The following MTHFD1L variants were observed in gnomAD, a reference collection of about 807,000 sequenced individuals.
MTHFD1L encodes the protein monofunctional C1-tetrahydrofolate synthase, mitochondrial.
Under a neutral mutation model 119.5 loss-of-function variants are expected in MTHFD1L, and 81 were observed. That is an observed-to-expected ratio of 0.68 (90% confidence interval 0.57 to 0.82). MTHFD1L has a LOEUF of 0.82. MTHFD1L is among the 40% of genes least tolerant of loss of function. MTHFD1L has a pLI of 0.00. For missense variants in MTHFD1L, 1,125 were observed against 1,253.4 expected, an observed-to-expected ratio of 0.90 and a Z score of 1.55; for synonymous variants, 430 against 475.2, an observed-to-expected ratio of 0.90 and a Z score of 1.24.
At chr6:151,070,433 T>C (rs113300007) in intron 26 of MTHFD1L, among the ~76,000 whole-genome samples, 6,725 of 152,320 alleles carry the variant, frequency 0.044, 208 homozygotes, top group Middle Eastern at 0.11. Context: ...CTTTACTGTT[T>C]AGTTTTTGTT....
Position 150,936,910 on chromosome 6 carries a change from C to A in MTHFD1L, c.1363C>A (p.Pro455Thr). The change falls in exon 12 of 28, where the codon CCT becomes ACT. Residue 455 changes from proline (P) to threonine (T), a missense_variant. By Grantham distance (38) the Pro-to-Thr change is conservative. Around this residue, in one of 3 missense-constraint regions of MTHFD1L, gnomAD observed 1,058 missense variants for 1,151.2 expected, o/e 0.92. Transcript: ENST00000367321. ...CAACTCCTTTGCCTGCTTGAGGCAG[C>A]CTTCCCAAGGACCGACGTTTGGAGT... Reference protein sequence around the residue: ...NVNSFACLRQPSQGPTFGVKG... With the variant: ...NVNSFACLRQTSQGPTFGVKG... 4 of 1,614,160 alleles carry A rather than the reference C, an allele frequency of 2.5e-6. No individual in the cohort carries two copies. The highest frequency in any genetic ancestry group is 3.4e-6 in the Non-Finnish European group (4 of 1,180,010).
chr6:150,915,833 A>G (rs1787764113), intron 8 of MTHFD1L, among the ~76,000 whole-genome samples: 1 of 152,050 alleles, frequency 6.6e-6, no homozygotes, highest in Non-Finnish European at 1.5e-5. Context: ...TGAACTCCTG[A>G]CCTCAAGTGA....
intron 26 of MTHFD1L, among the ~76,000 whole-genome samples, chr6:151,058,344 C>T (rs76660121): frequency 0.032 from 4,882 of 152,230 alleles, 155 homozygotes; most frequent in Admixed American, 0.099. Context: ...CACTGATGCT[C>T]GGGCTCTGTC....
chr6:150,942,839 G>C (rs1439266085), intron 13 of MTHFD1L, among the ~76,000 whole-genome samples: 1 of 151,948 alleles, frequency 6.6e-6, no homozygotes, highest in Non-Finnish European at 1.5e-5. Flanking sequence ...AAGAAATTAA[G>C]GAAATGCAGC....
chr6:150,867,923 G>A (rs1200657604), intron 1 of MTHFD1L, among the ~76,000 whole-genome samples: 3 of 148,958 alleles, frequency 2.0e-5, no homozygotes, highest in East Asian at 2.0e-4. Context: ...TCAGCCTCCC[G>A]AGTAGCTGGG....
rs956657497 is a variant in MTHFD1L, at chr6:150,964,032, G to T, written c.1945-937G>T. ...AATACAAAAAAAATTAGCCGTGTGT[G>T]GTGGTGCATGCCTGTAGTCCCAGCT... On this transcript the variant is annotated intron_variant, in intron 18 of 27. Transcript: ENST00000367321. Among the ~76,000 whole-genome samples, 3 of 152,302 alleles carry T rather than the reference G, an allele frequency of 2.0e-5. No homozygotes were observed. In the East Asian group the frequency reaches 5.8e-4, roughly 29 times the overall value.
chr6:151,024,826 GTGTT>G (rs1008440314), intron 24 of MTHFD1L, among the ~76,000 whole-genome samples: 3 of 151,994 alleles, frequency 2.0e-5, no homozygotes, highest in Non-Finnish European at 4.4e-5. Flanking sequence ...TTTTTTGTGT[GTGTT>G]TGTTTTGGGT....
chr6:150,962,060 G>A (rs1451715463), intron 18 of MTHFD1L, among the ~76,000 whole-genome samples: 1 of 152,032 alleles, frequency 6.6e-6, no homozygotes, highest in Non-Finnish European at 1.5e-5. Flanking sequence ...CGTGATCTTG[G>A]CTCACTGCAA....
rs148192003 is a variant in MTHFD1L, at chr6:150,926,331, A to G, written c.1256+36A>G. ...ATCTAACATCTACTTGATCAAGCAG[A>G]CATATTTACAAAACTCTTCCCTATT... On this transcript the variant is annotated intron_variant, in intron 11 of 27. Transcript: ENST00000367321. The surrounding 1 kb of genome is among the most constrained non-coding windows in gnomAD (Gnocchi z 4.3). 1.6e-5 allele frequency: 25 copies of G among 1,572,118 alleles called. No individual in the cohort carries two copies. Among genetic ancestry groups the G allele is most frequent in the Non-Finnish European group, 2.1e-5 (24 of 1,149,270 alleles).
chr6:151,039,461 C>T lies in MTHFD1L; in HGVS notation c.2847+2344C>T, dbSNP rs368447726. On this transcript the variant is annotated intron_variant, in intron 26 of 27. Coordinates refer to ENST00000367321, the MANE Select transcript of MTHFD1L (RefSeq NM_015440.5). The surrounding 1 kb of genome is among the most constrained non-coding windows in gnomAD (Gnocchi z 4.4). ...TCATAGACCTATTCACGTGTGTTGC[C>T]CAGGCTGGACTCAAACTCCTGGGCT... 3.2e-4 allele frequency among the ~76,000 whole-genome samples: 48 copies of T among 152,176 alleles called. 1 individual carries two copies. The South Asian group carries it at 9.8e-3, about 31-fold the overall frequency.
intron 7 of MTHFD1L, among the ~76,000 whole-genome samples, chr6:150,902,541 C>T (rs1305750935): frequency 1.3e-5 from 2 of 152,172 alleles, no homozygotes; most frequent in African/African-American, 4.8e-5. Flanking sequence ...CTTCCCTTGT[C>T]CTGGGCAGGC....
chr6:150,940,846 C>T (rs543450662), intron 13 of MTHFD1L, among the ~76,000 whole-genome samples: 1 of 152,236 alleles, frequency 6.6e-6, no homozygotes, highest in Non-Finnish European at 1.5e-5. Context: ...TTCAAAAGTG[C>T]TAGGATTACA....
At chr6:150,947,110 G>T (rs1482926058) in intron 15 of MTHFD1L, among the ~76,000 whole-genome samples, 1 of 147,178 alleles carries the variant, frequency 6.8e-6, no homozygotes, top group Non-Finnish European at 1.5e-5. Flanking sequence ...TCACTATTTT[G>T]TGTGTGTGTG....
intron 20 of MTHFD1L, among the ~76,000 whole-genome samples, chr6:151,002,528 A>G (rs9478911): frequency 0.26 from 39,515 of 152,098 alleles, 5,357 homozygotes; most frequent in African/African-American, 0.33. Flanking sequence ...ATGCTGCCCC[A>G]TGTTGAGAGC....
chr6:150,866,448 C>G, intron 1 of MTHFD1L: 1 of 1,318,008 alleles, frequency 7.6e-7, no homozygotes, highest in South Asian at 2.0e-5. Context: ...AGGAGGAGGG[C>G]GGGGCTGCGG....
intron 26 of MTHFD1L, among the ~76,000 whole-genome samples, chr6:151,070,393 C>T (rs936649315): frequency 5.9e-5 from 9 of 152,240 alleles, no homozygotes; most frequent in Non-Finnish European, 1.2e-4. Context: ...CCATCACCAA[C>T]CAGCTTCTCT....
chr6:151,036,269 A>G (rs867265478), intron 25 of MTHFD1L, among the ~76,000 whole-genome samples: 1 of 151,664 alleles, frequency 6.6e-6, no homozygotes, highest in African/African-American at 2.4e-5. Context: ...TTTTTTTTTT[A>G]AAGTTAGTGT....
At chr6:150,929,015 C>A (rs931808128) in intron 11 of MTHFD1L, among the ~76,000 whole-genome samples, 1 of 152,140 alleles carries the variant, frequency 6.6e-6, no homozygotes, top group Non-Finnish European at 1.5e-5. Context: ...CCTTTCCAAC[C>A]TAGAACCCCA....
At chr6:151,095,354 T>C (rs1300418981) in intron 27 of MTHFD1L, among the ~76,000 whole-genome samples, 1 of 152,226 alleles carries the variant, frequency 6.6e-6, no homozygotes. Flanking sequence ...TCTTTTTATG[T>C]CAGGAACCCA....
Sources: allele counts gnomAD v4.1 joint callset (sites outside exome capture counted in the v4.1 genomes callset), GRCh38; gene constraint gnomAD v4.1.1; regional missense constraint gnomAD v4.1.1; non-coding constraint Gnocchi (gnomAD v3.1); transcripts MANE v1.5; gene names NCBI Gene and HGNC (gene_info 2026-07-23, HGNC 2026-07-21).